RNF180: variants seen among roughly 807,000 people sequenced by gnomAD.
The protein encoded by RNF180 is E3 ubiquitin-protein ligase RNF180.
Under a neutral mutation model 59.2 loss-of-function variants are expected in RNF180, and 38 were observed. The ratio of observed to expected loss-of-function variants is 0.64; its 90% CI spans 0.50 to 0.84. The LOEUF (loss-of-function observed/expected upper bound fraction) is 0.84, where lower values mean the gene tolerates loss of function less well. Among genes scored for constraint, RNF180 ranks in the 40% least tolerant of loss-of-function variants. The pLI, the probability that RNF180 is intolerant of heterozygous loss-of-function variation, is 0.00. For missense variants in RNF180, 705 were observed against 700.9 expected (o/e 1.01, Z -0.07); for synonymous variants, 262 against 240.3 (o/e 1.09, Z -0.84).
intron 7 of RNF180, among the ~76,000 whole-genome samples, chr5:64,342,756 A>G (rs1009253065): frequency 1.3e-5 from 2 of 152,174 alleles, no homozygotes; most frequent in Non-Finnish European, 2.9e-5. Flanking sequence ...GCAGAGAACC[A>G]TGCTGTAGTA....
chr5:64,180,988 A>G (rs1231962452), intron 1 of RNF180, among the ~76,000 whole-genome samples: 1 of 152,174 alleles, frequency 6.6e-6, no homozygotes, highest in Non-Finnish European at 1.5e-5. Flanking sequence ...TCTGTCGCTG[A>G]AGGCTTGAGA....
chr5:64,310,212 A>G (rs1743693613), intron 5 of RNF180, among the ~76,000 whole-genome samples: 1 of 151,814 alleles, frequency 6.6e-6, no homozygotes, highest in African/African-American at 2.4e-5. Flanking sequence ...CCACAACCAC[A>G]TAGGATTTAG....
intron 5 of RNF180, among the ~76,000 whole-genome samples, chr5:64,312,577 T>C (rs1363285186): frequency 6.6e-6 from 1 of 152,152 alleles, no homozygotes; most frequent in African/African-American, 2.4e-5. Context: ...GTGGGGTTCA[T>C]TGTAACTTGT....
chr5:64,284,689 G>A (rs1474709556), intron 5 of RNF180, among the ~76,000 whole-genome samples: 1 of 152,000 alleles, frequency 6.6e-6, no homozygotes, highest in African/African-American at 2.4e-5. Flanking sequence ...GATCAGTTTG[G>A]TTCTCTCTTA....
At chr5:64,230,151 T>C (rs985894109) in intron 5 of RNF180, among the ~76,000 whole-genome samples, 3 of 152,242 alleles carry the variant, frequency 2.0e-5, no homozygotes, top group African/African-American at 4.8e-5. Flanking sequence ...AGCAGCAGCA[T>C]AATCCAGTGA....
chr5:64,313,940 A>T (rs1743911791), intron 5 of RNF180, among the ~76,000 whole-genome samples: 1 of 152,038 alleles, frequency 6.6e-6, no homozygotes, highest in African/African-American at 2.4e-5. Context: ...CTTTTTGGCC[A>T]TGTGTATGTC....
chr5:64,287,770 A>G (rs1258735155), intron 5 of RNF180, among the ~76,000 whole-genome samples: 3 of 151,412 alleles, frequency 2.0e-5, no homozygotes, highest in South Asian at 2.1e-4. Flanking sequence ...TGATGGTACT[A>G]TTTTTTTCTT....
At chr5:64,280,829 T>G (rs868137159) in intron 5 of RNF180, among the ~76,000 whole-genome samples, 1 of 152,316 alleles carries the variant, frequency 6.6e-6, no homozygotes. Flanking sequence ...TTCCTAATTC[T>G]GTGGAAAATG....
intron 7 of RNF180, among the ~76,000 whole-genome samples, chr5:64,369,181 A>G (rs1049965487): frequency 1.3e-4 from 20 of 151,976 alleles, no homozygotes; most frequent in Non-Finnish European, 2.5e-4. Context: ...GAAATAGGAA[A>G]TCATCATTCT....
In RNF180 at chr5:64,217,061, T is replaced by C. The variant is rs1006531626; in HGVS notation, c.1192-300T>C. On this transcript the variant is annotated intron_variant, in intron 4 of 7. Transcript: ENST00000389100. ...CTCCATTATTTTAGTTTTGTCTTTT[T>C]GATAATGTTGTAAAATATTAATATA... Among the ~76,000 whole-genome samples, 3 of 152,206 alleles carry C rather than the reference T, an allele frequency of 2.0e-5. No homozygotes were observed. The East Asian group carries it at 5.8e-4, about 29-fold the overall frequency.
intron 4 of RNF180, among the ~76,000 whole-genome samples, chr5:64,215,629 T>G (rs1304940219): frequency 1.3e-5 from 2 of 152,162 alleles, no homozygotes; most frequent in Non-Finnish European, 2.9e-5. Context: ...TGTTTTAGCA[T>G]CATTATAACA....
intron 5 of RNF180, among the ~76,000 whole-genome samples, chr5:64,250,068 CACA>C (rs1365164994): frequency 1.3e-5 from 2 of 152,148 alleles, no homozygotes; most frequent in Admixed American, 6.6e-5. Flanking sequence ...TGTTAGGCCA[CACA>C]ACAAGTCTCA....
intron 5 of RNF180, among the ~76,000 whole-genome samples, chr5:64,237,518 A>G (rs1742515265): frequency 6.6e-6 from 1 of 152,032 alleles, no homozygotes; most frequent in Non-Finnish European, 1.5e-5. Context: ...AGATTTTGGA[A>G]TTGGACTTTT....
intron 6 of RNF180, among the ~76,000 whole-genome samples, chr5:64,327,755 G>T (rs1372877420): frequency 6.6e-6 from 1 of 152,144 alleles, no homozygotes; most frequent in Non-Finnish European, 1.5e-5. Flanking sequence ...CTGCTGTTGG[G>T]TGACATGTTC....
intron 5 of RNF180, among the ~76,000 whole-genome samples, chr5:64,256,559 A>G (rs1033775561): frequency 5.3e-5 from 8 of 152,252 alleles, no homozygotes; most frequent in African/African-American, 1.4e-4. Flanking sequence ...CCATTGGTCT[A>G]TATCTCTGTT....
At chr5:64,295,509 C>T (rs1742839844) in intron 5 of RNF180, among the ~76,000 whole-genome samples, 3 of 152,158 alleles carry the variant, frequency 2.0e-5, no homozygotes, top group Admixed American at 2.0e-4. Flanking sequence ...GGAACATAAT[C>T]GTTCATGGGG....
At chr5:64,356,079 G>C (rs1251590930) in intron 7 of RNF180, among the ~76,000 whole-genome samples, 3 of 151,402 alleles carry the variant, frequency 2.0e-5, no homozygotes. Context: ...AACATAACAA[G>C]ACCCTGTCTC....
At chr5:64,275,233 C>G (rs1490680222) in intron 5 of RNF180, among the ~76,000 whole-genome samples, 1 of 150,968 alleles carries the variant, frequency 6.6e-6, no homozygotes, top group Non-Finnish European at 1.5e-5. Context: ...ACCTTAATAT[C>G]TAAACTTTTC....
chr5:64,200,754 A>G, intron 1 of RNF180, 54 bp from the exon 2 acceptor site: 2 of 1,499,142 alleles, frequency 1.3e-6, no homozygotes, highest in African/African-American at 1.4e-5. Context: ...GGATTTAGAA[A>G]GTCCAGTTTA....
Sources: allele counts gnomAD v4.1 joint callset (sites outside exome capture counted in the v4.1 genomes callset), GRCh38; gene constraint gnomAD v4.1.1; transcripts MANE v1.5; gene names NCBI Gene and HGNC (gene_info 2026-07-23, HGNC 2026-07-21).